SUSD4: variants seen among roughly 807,000 people sequenced by gnomAD.
SUSD4 encodes the protein sushi domain containing 4.
SUSD4 carries 41 observed loss-of-function variants against 50.5 expected under a neutral mutation model. That is an observed-to-expected ratio of 0.81 (90% CI 0.63 to 1.05). SUSD4 has a LOEUF of 1.05. Among genes scored for constraint, SUSD4 ranks in the 50% least tolerant of loss-of-function variants. The pLI, the probability that SUSD4 is intolerant of heterozygous loss-of-function variation, is 0.00. For synonymous variants in SUSD4, 257 were observed against 257.3 expected, an observed-to-expected ratio of 1.00 and a Z score of 0.01; for missense variants, 580 against 634.7, an observed-to-expected ratio of 0.91 and a Z score of 0.93.
chr1:223,224,306 C>A (rs549577687), intron 7 of SUSD4, among the ~76,000 whole-genome samples: 54 of 152,272 alleles, frequency 3.5e-4, no homozygotes, highest in African/African-American at 1.3e-3. Context: ...CACTGCACTC[C>A]AGCCTGGGTA....
chr1:223,312,450 C>G (rs1209940012), intron 2 of SUSD4, among the ~76,000 whole-genome samples: 1 of 152,092 alleles, frequency 6.6e-6, no homozygotes, highest in African/African-American at 2.4e-5. Context: ...GGCTCCAAAT[C>G]CTGGCTGCTA....
At chr1:223,364,805 G>A (rs147226752), upstream of SUSD4, among the ~76,000 whole-genome samples, 3 of 152,154 alleles carry the variant, frequency 2.0e-5, no homozygotes, top group East Asian at 1.9e-4. This position sits in a 1 kb window ranked among gnomAD's most constrained non-coding sequence, Gnocchi z 4.5. Context: ...CTTGAGCACC[G>A]CCAATTGCCC....
At chr1:223,226,481 G>C (rs1346108219) in intron 7 of SUSD4, among the ~76,000 whole-genome samples, 1 of 152,230 alleles carries the variant, frequency 6.6e-6, no homozygotes, top group East Asian at 1.9e-4. Context: ...AGTGAGGGAG[G>C]CCGCCCTGTG....
chr1:223,275,023 T>C (rs781699602), intron 3 of SUSD4, among the ~76,000 whole-genome samples: 1 of 152,230 alleles, frequency 6.6e-6, no homozygotes, highest in Non-Finnish European at 1.5e-5. Context: ...TTATTTCATA[T>C]ATTTTTTAAA....
chr1:223,354,094 C>G (rs549109016), intron 2 of SUSD4, among the ~76,000 whole-genome samples: 1 of 152,040 alleles, frequency 6.6e-6, no homozygotes, highest in Non-Finnish European at 1.5e-5. Context: ...AGCTGAGCCT[C>G]GGACAGCTCT....
rs549313025 is a variant in SUSD4 at position 223,306,968 on chromosome 1, G to A, written c.149-14317C>T. 5.4e-3 allele frequency among the ~76,000 whole-genome samples: 811 copies of A among 151,242 alleles called. 45 individuals carry two copies. The East Asian group carries it at 0.12, about 22-fold the overall frequency. On this transcript the variant is annotated intron_variant, in intron 2 of 8. Coordinates refer to ENST00000366878, the MANE Select transcript of SUSD4 (RefSeq NM_017982.4). Reference sequence around the variant, plus strand: ...ATGGATGAGTTTTTTTTTTTGGGGGGGGGTGTCCCTTCCACTTCTAAATTC... The same window carrying A: ...ATGGATGAGTTTTTTTTTTTGGGGGAGGGTGTCCCTTCCACTTCTAAATTC...
At chr1:223,350,197 A>C (rs1286212973) in intron 2 of SUSD4, among the ~76,000 whole-genome samples, 1 of 152,246 alleles carries the variant, frequency 6.6e-6, no homozygotes, top group Admixed American at 6.5e-5. Flanking sequence ...TATTTTGTTA[A>C]GGCAGCCCAA....
intron 5 of SUSD4, among the ~76,000 whole-genome samples, chr1:223,236,815 T>C (rs1398066520): frequency 6.6e-6 from 1 of 152,126 alleles, no homozygotes; most frequent in Non-Finnish European, 1.5e-5. Context: ...TCTCCTTCAA[T>C]ATTGTGTTGG....
chr1:223,360,282 C>A, intron 2 of SUSD4: 1 of 469,280 alleles, frequency 2.1e-6, no homozygotes, highest in Non-Finnish European at 4.4e-6. Context: ...GGGCATCCCT[C>A]AAAGCCCAGC....
chr1:223,347,916 C>T (rs1303329924), intron 2 of SUSD4, among the ~76,000 whole-genome samples: 1 of 151,836 alleles, frequency 6.6e-6, no homozygotes, highest in Non-Finnish European at 1.5e-5. Flanking sequence ...GGTCCCTGTC[C>T]CAGCTCTGCC....
At chr1:223,256,521 G>C (rs1661703955) in intron 5 of SUSD4, among the ~76,000 whole-genome samples, 1 of 152,176 alleles carries the variant, frequency 6.6e-6, no homozygotes, top group Non-Finnish European at 1.5e-5. Flanking sequence ...ATGACTCCAG[G>C]CTCACAGGCT....
chr1:223,338,898 A>G (rs900287724), intron 2 of SUSD4, among the ~76,000 whole-genome samples: 2 of 152,236 alleles, frequency 1.3e-5, no homozygotes, highest in African/African-American at 4.8e-5. Flanking sequence ...TGTCCTCATC[A>G]GAACCAGGAA....
intron 3 of SUSD4, among the ~76,000 whole-genome samples, chr1:223,283,308 G>A (rs1663885767): frequency 6.6e-6 from 1 of 152,112 alleles, no homozygotes. Flanking sequence ...TACAGAATGG[G>A]AGAAAATTTT....
chr1:223,280,992 T>G (rs918536512), intron 3 of SUSD4, among the ~76,000 whole-genome samples: 2 of 152,016 alleles, frequency 1.3e-5, no homozygotes, highest in Non-Finnish European at 1.5e-5. Context: ...TGACTACTAG[T>G]TACATAACGA....
intron 8 of SUSD4, among the ~76,000 whole-genome samples, chr1:223,222,854 A>G (rs1659218314): frequency 6.6e-6 from 1 of 152,184 alleles, no homozygotes; most frequent in African/African-American, 2.4e-5. Flanking sequence ...CCTGGCATGT[A>G]TGTGCCATCC....
chr1:223,317,249 C>T (rs1388517042), intron 2 of SUSD4, among the ~76,000 whole-genome samples: 1 of 152,218 alleles, frequency 6.6e-6, no homozygotes, highest in East Asian at 1.9e-4. Flanking sequence ...CACTGCTACA[C>T]TCCGACCAGT....
intron 5 of SUSD4, among the ~76,000 whole-genome samples, chr1:223,253,674 C>T (rs1486965778): frequency 6.6e-6 from 1 of 152,166 alleles, no homozygotes; most frequent in Non-Finnish European, 1.5e-5. Context: ...TTCTGTGTTC[C>T]ACCTGACTGC....
chr1:223,352,286 G>T (rs574420481), intron 2 of SUSD4, among the ~76,000 whole-genome samples: 6 of 152,298 alleles, frequency 3.9e-5, no homozygotes, highest in African/African-American at 1.4e-4. Flanking sequence ...CCTTCATCTG[G>T]AGATGACAAG....
intron 5 of SUSD4, among the ~76,000 whole-genome samples, chr1:223,250,575 A>G (rs1661234223): frequency 6.6e-6 from 1 of 152,232 alleles, no homozygotes; most frequent in Non-Finnish European, 1.5e-5. Flanking sequence ...TTACTGAGTC[A>G]TGCCATGGGG....
Sources: allele counts gnomAD v4.1 joint callset (sites outside exome capture counted in the v4.1 genomes callset), GRCh38; gene constraint gnomAD v4.1.1; non-coding constraint Gnocchi (gnomAD v3.1); transcripts MANE v1.5; gene names NCBI Gene and HGNC (gene_info 2026-07-23, HGNC 2026-07-21).